Variants in TTLL3 observed in about 807,000 individuals in gnomAD.
TTLL3 encodes the protein tubulin monoglycylase TTLL3.
A neutral mutation model predicts 75.2 loss-of-function variants in TTLL3; 63 were observed. The observed-to-expected ratio is 0.84, with a 90% CI of 0.68 to 1.03. The LOEUF (loss-of-function observed/expected upper bound fraction) is 1.03. TTLL3 is among the 50% of genes least tolerant of loss of function. The probability of loss-of-function intolerance (pLI) is 0.00; values close to 1 mark genes in which losing one functional copy is unlikely to be tolerated. For synonymous variants in TTLL3, 393 were observed against 418.5 expected (o/e 0.94, Z 0.74); for missense variants, 997 against 1,069.9 (o/e 0.93, Z 0.95).
At chr3:9,833,699 G>C (rs1159328584) in intron 12 of TTLL3, among the ~76,000 whole-genome samples, 1 of 152,140 alleles carries the variant, frequency 6.6e-6, no homozygotes, top group East Asian at 1.9e-4. Flanking sequence ...AGCCAAATTA[G>C]CTGGGCACGG....
Position 9,813,955 on chromosome 3 carries a change from C to T in TTLL3, c.315+610C>T, listed in dbSNP as rs1053711196. Among the ~76,000 whole-genome samples the T allele has an allele frequency of 2.0e-5, 3 of 152,140 alleles. No individual in the cohort carries two copies. In the East Asian group the frequency reaches 5.8e-4, roughly 29 times the overall value. ...CTTCAAATAAAAACCCCATAGTTCC[C>T]CTTCCCCGCTGCCCTTGGTAAGTGA... On this transcript the variant is annotated intron_variant, in intron 4 of 13. Coordinates refer to ENST00000685419, the MANE Select transcript of TTLL3 (RefSeq NM_001387446.1).
Position 9,810,302 on chromosome 3 carries a change from C to T in TTLL3, c.-134C>T, listed in dbSNP as rs761870825. ...CGCCGCCTCAGCGGCGCCTTCAAGACGCTGGTCCCAGGCACCCACGCCCAG... is the reference window on the plus strand; with the variant it reads ...CGCCGCCTCAGCGGCGCCTTCAAGATGCTGGTCCCAGGCACCCACGCCCAG... On this transcript the variant is annotated 5_prime_UTR_variant, in exon 1 of 14. The change creates a new upstream start codon in the 5' untranslated region. Transcript: ENST00000685419. The surrounding 1 kb of genome is among the most constrained non-coding windows in gnomAD (Gnocchi z 4.4). 9 of 1,493,358 alleles carry T rather than the reference C, an allele frequency of 6.0e-6. No individual in the cohort carries two copies. In the Admixed American group the frequency reaches 1.6e-4, roughly 27 times the overall value. The allele number at this position is 1,493,358 out of a possible 1,614,324, so 92.5% of individuals were successfully genotyped here. A position where few individuals can be genotyped will look rare whatever the true frequency, so the allele number is the denominator to read the frequency against.
At chr3:9,817,600 AGT>A in intron 5 of TTLL3, 43 bp from the exon 6 acceptor site, 1 of 1,612,988 alleles carries the variant, frequency 6.2e-7, no homozygotes, top group East Asian at 2.2e-5. Flanking sequence ...GTGTGTGGTG[AGT>A]GTGGGCAGTC....
chr3:9,816,094 G>C lies in TTLL3; in HGVS notation c.336G>C (p.Glu112Asp). 1 of 1,353,752 alleles carries C rather than the reference G, an allele frequency of 7.4e-7. No individual in the cohort carries two copies. The highest frequency in any genetic ancestry group is 9.8e-7 in the Non-Finnish European group (1 of 1,015,742). The allele number at this position is 1,353,752 out of a possible 1,614,324, so 83.9% of individuals were successfully genotyped here. A position where few individuals can be genotyped will look rare whatever the true frequency, so the allele number is the denominator to read the frequency against. Reference sequence around the variant, plus strand: ...CCCAGTCCCGCATGGTCCAGAATGAGATCCCCTACTTCATCTGGACCACTC... The same window carrying C: ...CCCAGTCCCGCATGGTCCAGAATGACATCCCCTACTTCATCTGGACCACTC... The part of the protein sequence containing the change: ...HALMSRMVQN[E>D]IPYFIWTTRR... Residue 112 changes from glutamate (E) to aspartate (D), a missense_variant, in exon 5 of 14, where the codon GAG (glutamate) becomes GAC (aspartate). Transcript: ENST00000685419.
intron 7 of TTLL3, chr3:9,819,228 C>G (rs961801230): frequency 5.3e-6 from 2 of 376,378 alleles, no homozygotes; most frequent in Non-Finnish European, 9.9e-6. Context: ...GCTCCATACT[C>G]CCCATCCATC....
chr3:9,812,902 T>C (rs756173145), intron 2 of TTLL3, 41 bp from the exon 3 acceptor site: 36 of 1,471,456 alleles, frequency 2.4e-5, no homozygotes, highest in East Asian at 1.6e-4. Context: ...CTGGCACTTA[T>C]GCAATACTTA....
chr3:9,810,775 G>T lies in TTLL3; in HGVS notation c.48+66G>T, dbSNP rs2079278888. 3 of 1,411,186 alleles carry T rather than the reference G, an allele frequency of 2.1e-6. No homozygotes were observed. The highest frequency in any genetic ancestry group is 9.6e-7 in the Non-Finnish European group (1 of 1,043,348). 87.4% of individuals were successfully genotyped at this position (1,411,186 alleles called of 1,614,324 possible). A position where few individuals can be genotyped will look rare whatever the true frequency, so the allele number is the denominator to read the frequency against. On this transcript the variant is annotated intron_variant, in intron 2 of 13. Transcript: ENST00000685419. The surrounding 1 kb of genome is among the most constrained non-coding windows in gnomAD (Gnocchi z 4.4). ...GCGGCTCAGCCTGTCTCCCTGCGCTGTTTTCTTATATCCTTAAAAAACAAA... is the reference window on the plus strand; with the variant it reads ...GCGGCTCAGCCTGTCTCCCTGCGCTTTTTTCTTATATCCTTAAAAAACAAA...
In TTLL3 at chr3:9,829,218, C is replaced by T. The variant is rs576658232; in HGVS notation, c.1506C>T (p.Phe502=). The T allele has an allele frequency of 7.4e-6, 12 of 1,614,180 alleles. No individual in the cohort carries two copies. The East Asian group carries it at 1.1e-4, about 15-fold the overall frequency. Residue 502 remains phenylalanine (F), a synonymous_variant, in exon 11 of 14, where the codon TTC becomes TTT. Transcript: ENST00000685419. ...AGCTCTATGGCGCTGACTTCGTGTT[C>T]GGGGAGGACTTCCAGCCCTGGCTGA... The part of the protein sequence containing the change: ...SFELYGADFV[F]GEDFQPWLIE...
chr3:9,813,374 A>G (rs1376703332), intron 4 of TTLL3, 29 bp downstream of exon 4: 12 of 1,612,554 alleles, frequency 7.4e-6, no homozygotes, highest in Non-Finnish European at 1.0e-5. Context: ...AAGATGATAC[A>G]GGGACTGCCT....
intron 2 of TTLL3, among the ~76,000 whole-genome samples, chr3:9,812,262 T>C (rs1222574680): frequency 6.6e-6 from 1 of 152,030 alleles, no homozygotes; most frequent in Non-Finnish European, 1.5e-5. Flanking sequence ...ACGCCTGTAA[T>C]TTCAGCACTT....
intron 11 of TTLL3, among the ~76,000 whole-genome samples, chr3:9,831,884 C>T (rs894278068): frequency 6.7e-6 from 1 of 149,008 alleles, no homozygotes; most frequent in Non-Finnish European, 1.5e-5. Context: ...CTGCAACCTC[C>T]GCCTCCCGGA....
Position 9,835,677 on chromosome 3 carries a change from A to T in TTLL3, c.*188A>T, listed in dbSNP as rs966417006. On this transcript the variant is annotated 3_prime_UTR_variant, in exon 14 of 14. Coordinates refer to ENST00000685419, the MANE Select transcript of TTLL3 (RefSeq NM_001387446.1). ...GCTTACCCAAGATCACGTGGCAGTG[A>T]GTCGACGCAGGGACATATTGCCAGA... The T allele has an allele frequency of 1.0e-5, 6 of 588,950 alleles. No individual in the cohort carries two copies. In the African/African-American group the frequency reaches 1.1e-4, roughly 11 times the overall value. The allele number at this position is 588,950 out of a possible 1,614,324, so 36.5% of individuals were successfully genotyped here. A position where few individuals can be genotyped will look rare whatever the true frequency, so the allele number is the denominator to read the frequency against.
rs1248868331 is a variant in TTLL3 at position 9,813,354 on chromosome 3, C to T, written c.315+9C>T. ...GAACACATGCTCTGATGGTGAGGGCCCTGGGGGCCAAGATGATACAGGGAC... is the reference window on the plus strand; with the variant it reads ...GAACACATGCTCTGATGGTGAGGGCTCTGGGGGCCAAGATGATACAGGGAC... On this transcript the variant is annotated intron_variant, in intron 4 of 13. Coordinates refer to ENST00000685419, the MANE Select transcript of TTLL3 (RefSeq NM_001387446.1). 1 of 1,613,856 alleles carries T rather than the reference C, an allele frequency of 6.2e-7. No homozygotes were observed. Among genetic ancestry groups the T allele is most frequent in the Non-Finnish European group, 8.5e-7 (1 of 1,179,994 alleles).
At chr3:9,812,214 A>G (rs2079418840) in intron 2 of TTLL3, among the ~76,000 whole-genome samples, 1 of 152,142 alleles carries the variant, frequency 6.6e-6, no homozygotes, top group African/African-American at 2.4e-5. Context: ...CTCTACCAAA[A>G]AATATAAAAA....
In TTLL3 at chr3:9,810,938, C is replaced by G. The variant is rs546252777; in HGVS notation, c.48+229C>G. ...GCGATGTCCCACTCTAATCAAGGTG[C>G]CTGGTGAGTTCCAGGGAGCCAAACC... On this transcript the variant is annotated intron_variant, in intron 2 of 13. Coordinates refer to ENST00000685419, the MANE Select transcript of TTLL3 (RefSeq NM_001387446.1). This position sits in a 1 kb window ranked among gnomAD's most constrained non-coding sequence, Gnocchi z 4.4. Among the ~76,000 whole-genome samples, 1 of 152,260 alleles carries G rather than the reference C, an allele frequency of 6.6e-6. No homozygotes were observed. The highest frequency in any genetic ancestry group is 2.4e-5 in the African/African-American group (1 of 41,558).
upstream of TTLL3, chr3:9,810,225 CGAG>C (rs1559733606): frequency 6.6e-7 from 1 of 1,506,058 alleles, no homozygotes. The surrounding 1 kb of genome is among the most constrained non-coding windows in gnomAD (Gnocchi z 4.4). Context: ...CCGCCCAGTC[CGAG>C]GAGGGTCACG....
chr3:9,835,756 A>G lies in TTLL3; in HGVS notation c.*267A>G, dbSNP rs776800014. On this transcript the variant is annotated 3_prime_UTR_variant, in exon 14 of 14. Coordinates refer to ENST00000685419, the MANE Select transcript of TTLL3 (RefSeq NM_001387446.1). ...CCAGAGAACAAGCCAAGCTAGCAGA[A>G]TGACACCTACCGGGCATAGGAACGT... 2 of 451,256 alleles carry G rather than the reference A, an allele frequency of 4.4e-6. No homozygotes were observed. The highest frequency in any genetic ancestry group is 7.8e-6 in the Non-Finnish European group (2 of 256,048). The allele number at this position is 451,256 out of a possible 1,614,324, so 28.0% of individuals were successfully genotyped here.
chr3:9,809,999 A>G (rs963955137), upstream of TTLL3: 19 of 301,496 alleles, frequency 6.3e-5, no homozygotes, highest in South Asian at 1.5e-3. Context: ...GAGCGCGGCG[A>G]GGGGCGCATG....
intron 8 of TTLL3, among the ~76,000 whole-genome samples, chr3:9,822,599 C>A (rs1258070097): frequency 6.6e-6 from 1 of 151,612 alleles, no homozygotes; most frequent in Non-Finnish European, 1.5e-5. Context: ...TCTTGGCTCA[C>A]TGCAACCTCT....
Sources: gnomAD v4.1 joint callset for allele counts (sites outside exome capture counted in the v4.1 genomes callset) on GRCh38, gnomAD v4.1.1 for gene constraint, Gnocchi (gnomAD v3.1) non-coding constraint, MANE v1.5 for transcripts, NCBI Gene and HGNC (gene_info 2026-07-23, HGNC 2026-07-21) for gene names.